Variants in FHOD3 observed in about 807,000 individuals in gnomAD.
The protein encoded by FHOD3 is formin homology 2 domain containing 3.
Under a neutral mutation model 173.0 loss-of-function variants are expected in FHOD3, and 90 were observed. That is an observed-to-expected ratio of 0.52 (90% CI 0.44 to 0.62). The LOEUF (loss-of-function observed/expected upper bound fraction) is 0.62, where lower values mean the gene tolerates loss of function less well. FHOD3 is among the 20% of genes least tolerant of loss of function. The pLI is 0.00. For missense variants in FHOD3, 1,945 were observed against 2,034.7 expected (o/e 0.96, Z 0.85); for synonymous variants, 828 against 823.0 (o/e 1.01, Z -0.10).
intron 3 of FHOD3, among the ~76,000 whole-genome samples, chr18:36,385,253 G>A (rs2047973360): frequency 1.3e-5 from 2 of 152,164 alleles, no homozygotes; most frequent in Admixed American, 6.5e-5. Context: ...TTTGAAACTA[G>A]GTCAATAAAT....
intron 14 of FHOD3, among the ~76,000 whole-genome samples, chr18:36,669,827 T>C (rs960535656): frequency 1.3e-5 from 2 of 151,984 alleles, no homozygotes; most frequent in Non-Finnish European, 2.9e-5. Flanking sequence ...TATTTACCTG[T>C]GTCATTATCT....
intron 10 of FHOD3, among the ~76,000 whole-genome samples, chr18:36,637,556 C>A: frequency 6.6e-6 from 1 of 152,152 alleles, no homozygotes; most frequent in East Asian, 1.9e-4. Flanking sequence ...GTACTAGGCC[C>A]CAACTCCTAT....
In FHOD3 at chr18:36,322,838, A is replaced by C. The variant is rs545677463; in HGVS notation, c.165+24838A>C. Among the ~76,000 whole-genome samples the C allele has an allele frequency of 2.6e-5, 4 of 152,252 alleles. No individual in the cohort carries two copies. In the South Asian group the frequency reaches 6.2e-4, roughly 24 times the overall value. ...CTGATAGGGTCATCCTCGTCTTAAC[A>C]GATCTGGCATTAATTCACTCACTCA... is the stretch of plus-strand genomic sequence containing the variant. On this transcript the variant is annotated intron_variant, in intron 1 of 28. Coordinates refer to ENST00000590592, the MANE Select transcript of FHOD3 (RefSeq NM_001281740.3).
At chr18:36,763,427 G>A (rs1317302838) in intron 27 of FHOD3, among the ~76,000 whole-genome samples, 13 of 145,142 alleles carry the variant, frequency 9.0e-5, no homozygotes, top group East Asian at 2.0e-4. Flanking sequence ...TATAATATGC[G>A]TATTATACAC....
At chr18:36,762,566 G>A (rs539862817) in intron 27 of FHOD3, among the ~76,000 whole-genome samples, 1 of 152,280 alleles carries the variant, frequency 6.6e-6, no homozygotes, top group South Asian at 2.1e-4. Flanking sequence ...GGAGGCCGAG[G>A]TCGGTGGATC....
intron 24 of FHOD3, 46 bp downstream of exon 24, chr18:36,747,181 T>C (rs757482013): frequency 7.0e-6 from 10 of 1,438,214 alleles, no homozygotes; most frequent in African/African-American, 2.9e-5. Context: ...CAATGGCATA[T>C]TGAAAAATTT....
At chr18:36,415,062 C>A (rs963678227) in intron 3 of FHOD3, among the ~76,000 whole-genome samples, 3 of 152,120 alleles carry the variant, frequency 2.0e-5, no homozygotes, top group Non-Finnish European at 4.4e-5. Flanking sequence ...TTTTGGGCAC[C>A]TCCATTTCTG....
chr18:36,772,656 C>T (rs1450135778), intron 28 of FHOD3, among the ~76,000 whole-genome samples: 5 of 152,234 alleles, frequency 3.3e-5, no homozygotes, highest in African/African-American at 1.2e-4. Flanking sequence ...CCCACTGAAG[C>T]CTGAACTTTG....
intron 3 of FHOD3, among the ~76,000 whole-genome samples, chr18:36,469,605 A>G (rs1481615484): frequency 6.6e-6 from 1 of 152,220 alleles, no homozygotes; most frequent in Non-Finnish European, 1.5e-5. Flanking sequence ...ACCCTTTGAC[A>G]TCAGCTATCA....
chr18:36,473,725 G>C (rs1427234460), intron 3 of FHOD3, among the ~76,000 whole-genome samples: 3 of 152,198 alleles, frequency 2.0e-5, no homozygotes, highest in Non-Finnish European at 4.4e-5. Context: ...TGTAAGAAAA[G>C]AAACTGAAAG....
chr18:36,347,737 G>A (rs371171063), intron 1 of FHOD3, among the ~76,000 whole-genome samples: 4 of 152,194 alleles, frequency 2.6e-5, no homozygotes, highest in African/African-American at 7.2e-5. Flanking sequence ...AAAATGATTT[G>A]TTGGGGTTAG....
intron 27 of FHOD3, 50 bp downstream of exon 27, chr18:36,760,832 C>G: frequency 6.5e-7 from 1 of 1,532,854 alleles, no homozygotes; most frequent in Non-Finnish European, 8.8e-7. Flanking sequence ...GTTGGCCGCT[C>G]TGGGGGGGTC....
chr18:36,513,460 T>G (rs773985474), intron 5 of FHOD3, among the ~76,000 whole-genome samples: 30 of 152,238 alleles, frequency 2.0e-4, no homozygotes, highest in Non-Finnish European at 3.1e-4. Flanking sequence ...TATCTATGCC[T>G]GTGACCCCAC....
intron 4 of FHOD3, among the ~76,000 whole-genome samples, chr18:36,502,620 C>T (rs1395433154): frequency 1.3e-5 from 2 of 152,080 alleles, no homozygotes; most frequent in Non-Finnish European, 2.9e-5. Context: ...GTATATGTGC[C>T]ACATTTTCTT....
At chr18:36,716,820 AAATGAG>A (rs1208047067) in intron 18 of FHOD3, among the ~76,000 whole-genome samples, 1 of 152,188 alleles carries the variant, frequency 6.6e-6, no homozygotes, top group African/African-American at 2.4e-5. Flanking sequence ...TCTTATGAGG[AAATGAG>A]AAAAGTTAAA....
At chr18:36,670,677 T>C (rs1457204700) in intron 14 of FHOD3, among the ~76,000 whole-genome samples, 2 of 152,222 alleles carry the variant, frequency 1.3e-5, no homozygotes, top group African/African-American at 4.8e-5. Context: ...AATAATTTAC[T>C]TTTTTTCTTC....
intron 19 of FHOD3, among the ~76,000 whole-genome samples, chr18:36,719,746 G>A (rs916294916): frequency 3.9e-5 from 6 of 152,186 alleles, no homozygotes; most frequent in African/African-American, 1.4e-4. Context: ...CACCAATTCT[G>A]TATCAAAATT....
chr18:36,659,960 AACCAGGAAT>A (rs2036673246), intron 14 of FHOD3, among the ~76,000 whole-genome samples: 1 of 152,130 alleles, frequency 6.6e-6, no homozygotes, highest in Non-Finnish European at 1.5e-5. Context: ...TGGGCAGTTA[AACCAGGAAT>A]GGTAGAATTG....
intron 2 of FHOD3, 130 bp from the exon 3 acceptor site, chr18:36,372,550 T>G: frequency 1.6e-6 from 1 of 613,546 alleles, no homozygotes; most frequent in African/African-American, 1.8e-5. Context: ...AGATTCTTAT[T>G]CAGTGTGGGT....
Sources: allele counts gnomAD v4.1 joint callset (sites outside exome capture counted in the v4.1 genomes callset), GRCh38; gene constraint gnomAD v4.1.1; transcripts MANE v1.5; gene names NCBI Gene and HGNC (gene_info 2026-07-23, HGNC 2026-07-21).